DLGAP2: variants seen among roughly 807,000 people sequenced by gnomAD.
The protein encoded by DLGAP2 is DLG associated protein 2, also known as disks large-associated protein 2.
Under a neutral mutation model 100.3 loss-of-function variants are expected in DLGAP2, and 26 were observed. That is an observed-to-expected ratio of 0.26 (90% CI 0.19 to 0.36). The LOEUF (loss-of-function observed/expected upper bound fraction) is 0.36, where lower values mean the gene tolerates loss of function less well. Ranked by LOEUF, DLGAP2 falls within the 10% of genes least tolerant of loss-of-function variation. DLGAP2 has a pLI of 1.00. For synonymous variants in DLGAP2, 886 were observed against 630.1 expected, an observed-to-expected ratio of 1.41 and a Z score of -6.08; for missense variants, 1,858 against 1,453.2, an observed-to-expected ratio of 1.28 and a Z score of -4.53.
chr8:1,699,415 C>G (rs1395861435), intron 14 of DLGAP2, among the ~76,000 whole-genome samples: 1 of 151,002 alleles, frequency 6.6e-6, no homozygotes, highest in East Asian at 2.0e-4. Context: ...ATCATACTGG[C>G]TAACACGGTG....
At chr8:1,616,189 G>T (rs13265062) in intron 6 of DLGAP2, among the ~76,000 whole-genome samples, 34,364 of 151,874 alleles carry the variant, frequency 0.23, 4,009 homozygotes, top group Middle Eastern at 0.42. Flanking sequence ...TGAAACAGTA[G>T]ATATTCTCAA....
intron 4 of DLGAP2, among the ~76,000 whole-genome samples, chr8:1,526,379 C>A (rs1800793318): frequency 6.6e-6 from 1 of 151,960 alleles, no homozygotes; most frequent in South Asian, 2.1e-4. Flanking sequence ...ATTGGGGGCT[C>A]AGAGGGTGGG....
intron 2 of DLGAP2, among the ~76,000 whole-genome samples, chr8:1,123,149 C>T (rs572173400): frequency 1.2e-4 from 18 of 152,314 alleles, no homozygotes; most frequent in African/African-American, 4.3e-4. Flanking sequence ...TTGGAATGAT[C>T]GCCTTTGACA....
chr8:1,255,438 C>G lies in DLGAP2; in HGVS notation c.74-3413C>G, dbSNP rs534558368. 3.1e-5 allele frequency among the ~76,000 whole-genome samples: 4 copies of G among 129,912 alleles called. No individual in the cohort carries two copies. In the South Asian group the frequency reaches 1.1e-3, roughly 36 times the overall value. 85.2% of individuals were successfully genotyped at this position (129,912 alleles called of 152,430 possible). A position where few individuals can be genotyped will look rare whatever the true frequency, so the allele number is the denominator to read the frequency against. On this transcript the variant is annotated intron_variant, in intron 2 of 14. Transcript: ENST00000637795. ...TGCTGTGTGTGTGTCCTCATCCTGCCCGAGCACTGTATGTGTGTCCTCTCT... is the reference window on the plus strand; with the variant it reads ...TGCTGTGTGTGTGTCCTCATCCTGCGCGAGCACTGTATGTGTGTCCTCTCT...
rs149639289 is a variant in DLGAP2, at chr8:1,356,316, C to T, written c.106+97433C>T. Among the ~76,000 whole-genome samples the T allele has an allele frequency of 3.9e-3, 593 of 152,316 alleles. 3 individuals are homozygous for T. Among genetic ancestry groups the T allele is most frequent in the African/African-American group, 0.013 (552 of 41,568 alleles). ...CAGCTGTATCACTCCCCTCACCTTACGGTTTCAACGTTTACAGGCAGTAAA... is the reference window on the plus strand; with the variant it reads ...CAGCTGTATCACTCCCCTCACCTTATGGTTTCAACGTTTACAGGCAGTAAA... On this transcript the variant is annotated intron_variant, in intron 3 of 14. Transcript: ENST00000637795.
chr8:1,123,600 A>G (rs1360739285), intron 2 of DLGAP2, among the ~76,000 whole-genome samples: 1 of 152,228 alleles, frequency 6.6e-6, no homozygotes, highest in African/African-American at 2.4e-5. Context: ...TGAGAAGGCC[A>G]TTCAAATAAT....
intron 4 of DLGAP2, among the ~76,000 whole-genome samples, chr8:1,514,156 A>G: frequency 6.6e-6 from 1 of 152,250 alleles, no homozygotes; most frequent in East Asian, 1.9e-4. Context: ...ACCCAATTAG[A>G]CATCTAGGAA....
At chr8:1,162,751 T>C (rs112761766) in intron 2 of DLGAP2, among the ~76,000 whole-genome samples, 5,038 of 152,316 alleles carry the variant, frequency 0.033, 120 homozygotes, top group Middle Eastern at 0.041. Flanking sequence ...ATGGAGGCTG[T>C]GTCCGTTGTC....
intron 9 of DLGAP2, among the ~76,000 whole-genome samples, 195 bp downstream of exon 9, chr8:1,668,873 G>C (rs540968525): frequency 6.6e-6 from 1 of 152,204 alleles, no homozygotes; most frequent in Non-Finnish European, 1.5e-5. Context: ...GGAGACCCCC[G>C]AGGTGATGCG....
chr8:1,562,613 G>A (rs1802214654), intron 5 of DLGAP2, among the ~76,000 whole-genome samples: 1 of 57,492 alleles, frequency 1.7e-5, no homozygotes, highest in Non-Finnish European at 3.3e-5. Flanking sequence ...CTCGTTGCTC[G>A]GGGACTGTGT....
chr8:1,372,644 T>G (rs1802269793), intron 3 of DLGAP2, among the ~76,000 whole-genome samples: 1 of 152,240 alleles, frequency 6.6e-6, no homozygotes, highest in African/African-American at 2.4e-5. Flanking sequence ...ACCTGTCTGA[T>G]GATTCAAAGC....
At chr8:883,906 C>G (rs1584860391) in intron 1 of DLGAP2, among the ~76,000 whole-genome samples, 2 of 152,152 alleles carry the variant, frequency 1.3e-5, no homozygotes, top group Admixed American at 6.5e-5. Context: ...TTTTCTGTTT[C>G]TGTGTTAGTT....
At chr8:1,688,003 T>G (rs905876917) in intron 12 of DLGAP2, among the ~76,000 whole-genome samples, 2 of 152,290 alleles carry the variant, frequency 1.3e-5, no homozygotes, top group South Asian at 4.1e-4. Context: ...AGTCCAGGGC[T>G]GCAGAACACG....
intron 2 of DLGAP2, among the ~76,000 whole-genome samples, chr8:1,108,842 CTGGGTCTGTGAGGTGTGCA>C: frequency 7.9e-6 from 1 of 126,522 alleles, no homozygotes; most frequent in East Asian, 2.5e-4. Flanking sequence ...ATGAAGTGTG[CTGGGTCTGTGAGGTGTGCA>C]CGGGTCTGTG....
At chr8:995,211 G>T (rs191005551) in intron 2 of DLGAP2, among the ~76,000 whole-genome samples, 12 of 152,138 alleles carry the variant, frequency 7.9e-5, no homozygotes, top group African/African-American at 2.4e-4. Flanking sequence ...TCACATTACC[G>T]TATAAAACAA....
intron 14 of DLGAP2, among the ~76,000 whole-genome samples, 155 bp from the exon 15 acceptor site, chr8:1,701,033 C>T (rs1799550997): frequency 6.6e-6 from 1 of 152,124 alleles, no homozygotes. Flanking sequence ...GGCCTGGGAG[C>T]CGGGGACCAG....
intron 3 of DLGAP2, among the ~76,000 whole-genome samples, chr8:1,453,258 C>T (rs754931114): frequency 2.6e-5 from 4 of 151,810 alleles, no homozygotes; most frequent in African/African-American, 4.8e-5. Context: ...CCGTGCTGGC[C>T]GGTCAGGCTG....
chr8:1,287,155 TGTGCGCGC>T, intron 3 of DLGAP2, among the ~76,000 whole-genome samples: 1 of 98,582 alleles, frequency 1.0e-5, no homozygotes, highest in South Asian at 3.9e-4. Flanking sequence ...TGTGTGTGTG[TGTGCGCGC>T]GCGCGCGTGG....
rs145622466 is a variant in DLGAP2, at chr8:888,326, A to G, written c.19-19586A>G. On this transcript the variant is annotated intron_variant, in intron 1 of 14. Coordinates refer to ENST00000637795, the MANE Select transcript of DLGAP2 (RefSeq NM_001346810.2). ...TAGCTTCTTTGCACTGGGTTAGAAC[A>G]TGCTCCTTTAGCTCATCGTAGTTTT... Among the ~76,000 whole-genome samples, 431 of 152,308 alleles carry G rather than the reference A, an allele frequency of 2.8e-3. 2 individuals are homozygous for G. The highest frequency in any genetic ancestry group is 9.7e-3 in the African/African-American group (405 of 41,570).
Sources: allele counts gnomAD v4.1 joint callset (sites outside exome capture counted in the v4.1 genomes callset), GRCh38; gene constraint gnomAD v4.1.1; transcripts MANE v1.5; gene names NCBI Gene and HGNC (gene_info 2026-07-23, HGNC 2026-07-21).